MARCHF1: variants seen among roughly 807,000 people sequenced by gnomAD.
The protein encoded by MARCHF1 is membrane associated ring-CH-type finger 1.
A neutral mutation model predicts 54.2 loss-of-function variants in MARCHF1; 40 were observed. The observed-to-expected ratio is 0.74, with a 90% confidence interval of 0.57 to 0.96. The LOEUF is 0.96. MARCHF1 is among the 40% of genes least tolerant of loss of function. The pLI is 0.00. For missense variants in MARCHF1, 586 were observed against 656.5 expected, an observed-to-expected ratio of 0.89 and a Z score of 1.17; for synonymous variants, 236 against 236.3, an observed-to-expected ratio of 1.00 and a Z score of 0.01.
chr4:163,604,758 T>C, intron 7 of MARCHF1, among the ~76,000 whole-genome samples: 1 of 152,148 alleles, frequency 6.6e-6, no homozygotes, highest in Non-Finnish European at 1.5e-5. Flanking sequence ...ATTGAAATCC[T>C]TGTATACCAT....
At chr4:163,714,415 T>G (rs17657758) in intron 4 of MARCHF1, among the ~76,000 whole-genome samples, 1 of 152,220 alleles carries the variant, frequency 6.6e-6, no homozygotes, top group African/African-American at 2.4e-5. Context: ...AATAGCTTAC[T>G]GCTAATGAAA....
At chr4:163,720,612 C>T (rs2111287715) in intron 4 of MARCHF1, among the ~76,000 whole-genome samples, 1 of 152,228 alleles carries the variant, frequency 6.6e-6, no homozygotes, top group South Asian at 2.1e-4. Context: ...TGTAAATTAC[C>T]TTGGGCAGTA....
chr4:163,997,851 T>C (rs991141306), intron 2 of MARCHF1, among the ~76,000 whole-genome samples: 30 of 151,706 alleles, frequency 2.0e-4, no homozygotes, highest in African/African-American at 7.0e-4. Context: ...AAGTAAGATA[T>C]AATGGTCTAG....
chr4:163,675,472 G>A (rs1743880965), intron 5 of MARCHF1, among the ~76,000 whole-genome samples: 1 of 152,122 alleles, frequency 6.6e-6, no homozygotes, highest in Non-Finnish European at 1.5e-5. Flanking sequence ...GAGAGAGAGT[G>A]AAAGAACAAG....
At chr4:163,534,885 T>C (rs2110878049) in intron 9 of MARCHF1, among the ~76,000 whole-genome samples, 1 of 152,194 alleles carries the variant, frequency 6.6e-6, no homozygotes, top group East Asian at 1.9e-4. Flanking sequence ...AGTGGTACTG[T>C]ATCATGTATT....
intron 2 of MARCHF1, among the ~76,000 whole-genome samples, chr4:163,990,842 T>A (rs1288728321): frequency 1.3e-5 from 2 of 152,170 alleles, no homozygotes; most frequent in Admixed American, 6.5e-5. Context: ...AGTGTTTAGG[T>A]CCATGAAATG....
intron 3 of MARCHF1, among the ~76,000 whole-genome samples, chr4:163,900,953 T>C (rs896572229): frequency 2.0e-5 from 3 of 152,218 alleles, no homozygotes; most frequent in Admixed American, 6.5e-5. Context: ...GTTGGTGTAA[T>C]GTCAGATGTT....
chr4:163,982,488 G>A (rs1366341298), intron 3 of MARCHF1, among the ~76,000 whole-genome samples: 1 of 152,186 alleles, frequency 6.6e-6, no homozygotes, highest in Non-Finnish European at 1.5e-5. Flanking sequence ...TAACAAAGCA[G>A]GAAACTATTG....
chr4:163,600,857 C>T (rs1740940738), intron 7 of MARCHF1, among the ~76,000 whole-genome samples: 2 of 152,038 alleles, frequency 1.3e-5, no homozygotes, highest in South Asian at 2.1e-4. Context: ...AGTTTAATGT[C>T]GATACTAAAA....
At chr4:164,211,294 ATAC>A in intron 1 of MARCHF1, among the ~76,000 whole-genome samples, 1 of 131,442 alleles carries the variant, frequency 7.6e-6, no homozygotes, top group Non-Finnish European at 1.7e-5. Context: ...ATATATATAT[ATAC>A]CACATTGCAA....
intron 2 of MARCHF1, among the ~76,000 whole-genome samples, chr4:164,063,178 G>C (rs958901035): frequency 6.6e-6 from 1 of 152,166 alleles, no homozygotes; most frequent in African/African-American, 2.4e-5. Flanking sequence ...TGGCAAATAA[G>C]CATTGGCTTC....
At chr4:163,705,458 G>A (rs1744923073) in intron 4 of MARCHF1, among the ~76,000 whole-genome samples, 1 of 151,872 alleles carries the variant, frequency 6.6e-6, no homozygotes, top group Non-Finnish European at 1.5e-5. Context: ...TGATACATGA[G>A]CAGTGTATCA....
At chr4:164,075,947 A>G (rs1404273876) in intron 2 of MARCHF1, among the ~76,000 whole-genome samples, 2 of 152,296 alleles carry the variant, frequency 1.3e-5, no homozygotes, top group South Asian at 2.1e-4. Flanking sequence ...TGTCTATCAT[A>G]TAGATTTGTA....
intron 1 of MARCHF1, among the ~76,000 whole-genome samples, chr4:164,347,992 T>C (rs1321998445): frequency 1.3e-5 from 2 of 152,166 alleles, no homozygotes; most frequent in East Asian, 3.8e-4. Flanking sequence ...TATCAGACTT[T>C]AAAAATTTAG....
At chr4:164,005,693 T>C (rs568810405) in intron 2 of MARCHF1, among the ~76,000 whole-genome samples, 3 of 151,966 alleles carry the variant, frequency 2.0e-5, no homozygotes, top group African/African-American at 7.2e-5. Flanking sequence ...TAGAGAAAAA[T>C]AGAGGAAGTG....
intron 5 of MARCHF1, among the ~76,000 whole-genome samples, chr4:163,638,275 T>C (rs1742421749): frequency 6.6e-6 from 1 of 150,842 alleles, no homozygotes; most frequent in Admixed American, 6.6e-5. Context: ...AAAAGAAATG[T>C]AATCCCAGTG....
At chr4:163,890,734 C>A (rs1422631823) in intron 3 of MARCHF1, among the ~76,000 whole-genome samples, 1 of 151,900 alleles carries the variant, frequency 6.6e-6, no homozygotes, top group Non-Finnish European at 1.5e-5. Flanking sequence ...TGTATAATTA[C>A]TTTTGGAATA....
chr4:164,241,870 G>A (rs12511867), intron 1 of MARCHF1, among the ~76,000 whole-genome samples: 74,314 of 151,632 alleles, frequency 0.49, 20,415 homozygotes, highest in Non-Finnish European at 0.64. Flanking sequence ...GGTGACGGAT[G>A]GCACCTGGAA....
intron 4 of MARCHF1, among the ~76,000 whole-genome samples, chr4:163,776,344 CTCTG>C (rs1376879041): frequency 1.3e-5 from 2 of 151,302 alleles, no homozygotes; most frequent in African/African-American, 4.8e-5. Flanking sequence ...CTCTCTCTGT[CTCTG>C]TCTCTTTCTC....
Sources: gnomAD v4.1 joint callset for allele counts (sites outside exome capture counted in the v4.1 genomes callset) on GRCh38, gnomAD v4.1.1 for gene constraint, MANE v1.5 for transcripts, NCBI Gene and HGNC (gene_info 2026-07-23, HGNC 2026-07-21) for gene names.